The following BMF variants were observed in gnomAD, a reference collection of about 807,000 sequenced individuals.
BMF encodes the protein bcl-2-modifying factor.
BMF carries 10 observed loss-of-function variants against 22.0 expected under a neutral mutation model. The observed-to-expected ratio is 0.45, with a 90% confidence interval of 0.28 to 0.77. The LOEUF is 0.77. Ranked by LOEUF, BMF falls within the 30% of genes least tolerant of loss-of-function variation. The pLI is 0.13. For missense variants in BMF, 206 were observed against 226.8 expected, an observed-to-expected ratio of 0.91 and a Z score of 0.59; for synonymous variants, 87 against 88.1, an observed-to-expected ratio of 0.99 and a Z score of 0.07.
intron 4 of BMF, among the ~76,000 whole-genome samples, chr15:40,096,629 G>C (rs2036367683): frequency 6.6e-6 from 1 of 152,150 alleles, no homozygotes; most frequent in Non-Finnish European, 1.5e-5. Flanking sequence ...GTTGGGAGGG[G>C]TGTAATTTGA....
intron 4 of BMF, 47 bp from the exon 5 acceptor site, chr15:40,091,935 T>C: frequency 7.3e-7 from 1 of 1,370,526 alleles, no homozygotes; most frequent in Non-Finnish European, 1.0e-6. Context: ...CCAAACGCAA[T>C]CTTAGACGAC....
intron 1 of BMF, 188 bp from the exon 2 acceptor site, chr15:40,108,574 C>T (rs2036634722): frequency 1.3e-5 from 2 of 152,882 alleles, no homozygotes; most frequent in South Asian, 2.1e-4. Context: ...CCCCAAGTTC[C>T]CTCTTGGAGC....
chr15:40,106,517 AACAC>A lies in BMF; in HGVS notation c.-5-430_-5-427del, dbSNP rs71658279. 0.039 allele frequency: 5,360 copies of A among 136,014 alleles called. 116 individuals are homozygous for A. Among genetic ancestry groups the A allele is most frequent in the South Asian group, 0.1 (410 of 4,108 alleles). The allele number at this position is 136,014 out of a possible 1,614,324, so 8.4% of individuals were successfully genotyped here. A position where few individuals can be genotyped will look rare whatever the true frequency, so the allele number is the denominator to read the frequency against. On this transcript the variant is annotated intron_variant, in intron 2 of 4. Transcript: ENST00000354670. This position sits in a 1 kb window ranked among gnomAD's most constrained non-coding sequence, Gnocchi z 4.1. ...GACTGGCTATACATACAGTGCTCAC[AACAC>A]ACACACACACACACACACACACACA...
chr15:40,089,056 C>T lies in BMF; in HGVS notation c.*2731G>A, dbSNP rs2036184994. The T allele has an allele frequency of 6.6e-6, 1 of 152,668 alleles. No individual in the cohort carries two copies. Among genetic ancestry groups the T allele is most frequent in the Admixed American group, 6.5e-5 (1 of 15,272 alleles). The allele number at this position is 152,668 out of a possible 1,614,324, so 9.5% of individuals were successfully genotyped here. On this transcript the variant is annotated 3_prime_UTR_variant, in exon 5 of 5. Transcript: ENST00000354670. ...AGGTTTCCAGTCCCTCTCCCAACCCCCACCCTCAGCAAGCCACAAAGCCTC... is the reference window on the plus strand; with the variant it reads ...AGGTTTCCAGTCCCTCTCCCAACCCTCACCCTCAGCAAGCCACAAAGCCTC...
At chr15:40,103,239 G>A (rs1211888899) in intron 4 of BMF, among the ~76,000 whole-genome samples, 1 of 152,236 alleles carries the variant, frequency 6.6e-6, no homozygotes, top group Non-Finnish European at 1.5e-5. Context: ...GAGCCAGCTG[G>A]GCTGGGGACA....
At position 40,093,039 on chromosome 15, in the gene BMF, C is replaced by A. The variant is rs576358753; in HGVS notation, c.454-1151G>T. 2.4e-3 allele frequency among the ~76,000 whole-genome samples: 358 copies of A among 152,330 alleles called. 1 individual carries two copies. Among genetic ancestry groups the A allele is most frequent in the Non-Finnish European group, 4.3e-3 (290 of 68,022 alleles). The stretch of plus-strand genomic sequence containing the variant: ...AACCACAGCACCAGCCCCCACCAGG[C>A]AACTACTCCTGGTCAGATGGGAAGA... On this transcript the variant is annotated intron_variant, in intron 4 of 4. Coordinates refer to ENST00000354670, the MANE Select transcript of BMF (RefSeq NM_001003940.2).
At chr15:40,096,012 G>C (rs537379128) in intron 4 of BMF, among the ~76,000 whole-genome samples, 1 of 152,192 alleles carries the variant, frequency 6.6e-6, no homozygotes, top group Non-Finnish European at 1.5e-5. Context: ...ATGCTGGACC[G>C]ACTACAGAGG....
chr15:40,107,810 C>G (rs912527307), intron 2 of BMF, among the ~76,000 whole-genome samples: 3 of 152,078 alleles, frequency 2.0e-5, no homozygotes, highest in Admixed American at 6.6e-5. Context: ...TCCCCTCCCC[C>G]TCCCAGCAAA....
At chr15:40,098,805 TG>T (rs2036416323) in intron 4 of BMF, among the ~76,000 whole-genome samples, 1 of 150,998 alleles carries the variant, frequency 6.6e-6, no homozygotes, top group Admixed American at 6.6e-5. Context: ...CAGGCCTTGG[TG>T]GGGAGGGAAT....
In BMF at chr15:40,090,216, T is replaced by A. The variant is rs2036206700; in HGVS notation, c.*1571A>T. On this transcript the variant is annotated 3_prime_UTR_variant, in exon 5 of 5. Coordinates refer to ENST00000354670, the MANE Select transcript of BMF (RefSeq NM_001003940.2). ...GTGCAGTGAACAACCTGCACAACTG[T>A]ACATCCAGAAGATCAATGTCTCCTT... 1.3e-5 allele frequency: 2 copies of A among 152,750 alleles called. No individual in the cohort carries two copies. Among genetic ancestry groups the A allele is most frequent in the South Asian group, 4.1e-4 (2 of 4,824 alleles). 9.5% of individuals were successfully genotyped at this position (152,750 alleles called of 1,614,324 possible). A position where few individuals can be genotyped will look rare whatever the true frequency, so the allele number is the denominator to read the frequency against.
chr15:40,104,497 G>GGACA (rs2036544809), intron 3 of BMF, among the ~76,000 whole-genome samples, 157 bp from the exon 4 acceptor site: 1 of 152,190 alleles, frequency 6.6e-6, no homozygotes, highest in Non-Finnish European at 1.5e-5. Context: ...TGCCAAGCTT[G>GGACA]GACAGCCTGC....
chr15:40,091,441 C>T lies in BMF; in HGVS notation c.*346G>A, dbSNP rs939231576. 1 of 194,048 alleles carries T rather than the reference C, an allele frequency of 5.2e-6. No homozygotes were observed. The highest frequency in any genetic ancestry group is 1.1e-5 in the Non-Finnish European group (1 of 94,318). The allele number at this position is 194,048 out of a possible 1,614,324, so 12.0% of individuals were successfully genotyped here. On this transcript the variant is annotated 3_prime_UTR_variant, in exon 5 of 5. Transcript: ENST00000354670. ...TGAGTTCCTCTGGAAAAACCACAGT[C>T]CACTTCCCAGAGAACATCACTAACG...
intron 3 of BMF, 136 bp downstream of exon 3, chr15:40,105,659 A>T: frequency 9.3e-7 from 1 of 1,080,664 alleles, no homozygotes; most frequent in South Asian, 1.5e-5. Flanking sequence ...GAGAGGCAGC[A>T]GGTGGAAGTC....
At chr15:40,103,679 G>A (rs921734870) in intron 4 of BMF, among the ~76,000 whole-genome samples, 5 of 152,172 alleles carry the variant, frequency 3.3e-5, no homozygotes, top group Admixed American at 2.0e-4. Context: ...AGTGAGGAGC[G>A]GCCTCCCCAG....
In BMF at chr15:40,091,817, T is replaced by G. The variant is rs541714079; in HGVS notation, c.525A>C (p.Glu175Asp). 3.1e-6 allele frequency: 5 copies of G among 1,610,728 alleles called. No individual in the cohort carries two copies. Among genetic ancestry groups the G allele is most frequent in the Admixed American group, 1.7e-5 (1 of 59,790 alleles). Residue 175 changes from glutamate (E) to aspartate (D), a missense_variant, in exon 5 of 5, where the codon GAA becomes GAC. Coordinates refer to ENST00000354670, the MANE Select transcript of BMF (RefSeq NM_001003940.2). ...LFLHNLALNG[E>D]ENRNGAGPR ...TAGGGCCTGCCCCGTTCCTGTTCTC[T>G]TCTCCATTCAAAGCAAGGTTGTGCA... is the stretch of plus-strand genomic sequence containing the variant.
intron 4 of BMF, 91 bp from the exon 5 acceptor site, chr15:40,091,979 A>C: frequency 2.0e-6 from 2 of 1,002,258 alleles, no homozygotes; most frequent in Non-Finnish European, 3.1e-6. Context: ...TCAGATCTCC[A>C]AGTCTCACGG....
intron 4 of BMF, among the ~76,000 whole-genome samples, chr15:40,093,073 G>A (rs2036277536): frequency 6.6e-6 from 1 of 152,180 alleles, no homozygotes; most frequent in African/African-American, 2.4e-5. Flanking sequence ...GAGGAGAGAG[G>A]AAGCCAGCGG....
chr15:40,104,310 G>A lies in BMF; in HGVS notation c.323C>T (p.Ala108Val). ...GNAGYRLPLP[A>V]SFPAVLPIGE... The stretch of plus-strand genomic sequence containing the variant: ...AATGGGCAAGACTGCTGGGAAACTG[G>A]CAGGGAGAGGAAGCCGATAGCCAGC... The change falls in exon 4 of 5, where the codon GCC (alanine) becomes GTC (valine). Residue 108 changes from alanine to valine, a missense_variant. Ala to Val is a moderately conservative substitution (Grantham distance 64, BLOSUM62 0). Transcript: ENST00000354670. 1.2e-6 allele frequency: 2 copies of A among 1,614,238 alleles called. No homozygotes were observed. The highest frequency in any genetic ancestry group is 1.7e-6 in the Non-Finnish European group (2 of 1,180,046).
chr15:40,108,422 G>C (rs1202085566), intron 1 of BMF, 36 bp from the exon 2 acceptor site: 1 of 152,806 alleles, frequency 6.5e-6, no homozygotes, highest in Non-Finnish European at 1.5e-5. Context: ...TCCGCAGAGA[G>C]GCAGGATGCC....
Sources: allele counts gnomAD v4.1 joint callset (sites outside exome capture counted in the v4.1 genomes callset), GRCh38; gene constraint gnomAD v4.1.1; non-coding constraint Gnocchi (gnomAD v3.1); transcripts MANE v1.5; gene names NCBI Gene and HGNC (gene_info 2026-07-23, HGNC 2026-07-21).